The following PDE8B variants were observed in gnomAD, a reference collection of about 807,000 sequenced individuals.
The protein encoded by PDE8B is high affinity cAMP-specific and IBMX-insensitive 3',5'-cyclic phosphodiesterase 8B.
A neutral mutation model predicts 101.3 loss-of-function variants in PDE8B; 26 were observed. That is an observed-to-expected ratio of 0.26 (90% CI 0.19 to 0.36). The LOEUF (loss-of-function observed/expected upper bound fraction) is 0.36, where lower values mean the gene tolerates loss of function less well. PDE8B is among the 10% of genes least tolerant of loss of function. The pLI, the probability that PDE8B is intolerant of heterozygous loss-of-function variation, is 1.00. For missense variants in PDE8B, 810 were observed against 1,163.1 expected, an observed-to-expected ratio of 0.70 and a Z score of 4.42; for synonymous variants, 424 against 429.3, an observed-to-expected ratio of 0.99 and a Z score of 0.15.
the PDE8B span, chr5:77,147,449 A>G: frequency 6.5e-6 from 1 of 152,766 alleles, no homozygotes; most frequent in Non-Finnish European, 1.5e-5. Context: ...CAAATTAGTT[A>G]TACATGGGGA....
At chr5:77,346,013 G>A (rs1032424617) in intron 7 of PDE8B, among the ~76,000 whole-genome samples, 1 of 152,166 alleles carries the variant, frequency 6.6e-6, no homozygotes, top group African/African-American at 2.4e-5. Context: ...AATAAGGGTA[G>A]GCAAGAGACA....
At chr5:77,292,521 G>T (rs978233678) in intron 1 of PDE8B, among the ~76,000 whole-genome samples, 1 of 152,192 alleles carries the variant, frequency 6.6e-6, no homozygotes, top group Non-Finnish European at 1.5e-5. Flanking sequence ...AATGGCCCCA[G>T]ACCCTCATCA....
chr5:77,108,555 C>T, the PDE8B span, among the ~76,000 whole-genome samples: 4 of 152,052 alleles, frequency 2.6e-5, no homozygotes, highest in East Asian at 3.9e-4. Context: ...TGGTGGCGCA[C>T]GCCTCTAGTC....
At chr5:77,147,053 A>T in the PDE8B span, 1 of 438,434 alleles carries the variant, frequency 2.3e-6, no homozygotes, top group African/African-American at 2.1e-5. Context: ...ATATTGCCTC[A>T]TACTGAGCTA....
At chr5:77,310,622 G>A (rs1772385706) in intron 1 of PDE8B, among the ~76,000 whole-genome samples, 2 of 152,236 alleles carry the variant, frequency 1.3e-5, no homozygotes, top group African/African-American at 4.8e-5. Context: ...GGCCTGCTGA[G>A]TGGACCCATG....
At chr5:77,244,955 C>T (rs530537475) in intron 1 of PDE8B, among the ~76,000 whole-genome samples, 11 of 152,274 alleles carry the variant, frequency 7.2e-5, no homozygotes, top group African/African-American at 2.6e-4. Context: ...AAGACCCTAG[C>T]TGAAAGTTTA....
At chr5:77,178,609 C>A in the PDE8B span, among the ~76,000 whole-genome samples, 2 of 152,194 alleles carry the variant, frequency 1.3e-5, no homozygotes, top group Admixed American at 6.5e-5. Context: ...TTTGCTATTG[C>A]TACATAACAA....
At chr5:77,360,100 AAAAAG>A (rs1386879254) in intron 10 of PDE8B, among the ~76,000 whole-genome samples, 1 of 152,134 alleles carries the variant, frequency 6.6e-6, no homozygotes, top group African/African-American at 2.4e-5. Context: ...CAAAAAAAAA[AAAAAG>A]AAAGAAAAGT....
At chr5:77,349,691 G>A in intron 8 of PDE8B, 132 bp downstream of exon 8, 1 of 1,043,470 alleles carries the variant, frequency 9.6e-7, no homozygotes, top group Non-Finnish European at 1.5e-6. Flanking sequence ...TATTATGTTT[G>A]CAAAATGAGT....
chr5:77,401,111 T>C (rs1792173170), intron 11 of PDE8B, among the ~76,000 whole-genome samples: 1 of 152,214 alleles, frequency 6.6e-6, no homozygotes, highest in Admixed American at 6.5e-5. Flanking sequence ...AAAGCCCATC[T>C]CATTGTTAAT....
the PDE8B span, among the ~76,000 whole-genome samples, chr5:77,159,990 T>C: frequency 6.6e-6 from 1 of 152,190 alleles, no homozygotes; most frequent in Non-Finnish European, 1.5e-5. Context: ...ATATTTTGCT[T>C]TCTGGAACAC....
intron 10 of PDE8B, among the ~76,000 whole-genome samples, chr5:77,371,677 G>T (rs1454331368): frequency 6.6e-6 from 1 of 152,210 alleles, no homozygotes; most frequent in Admixed American, 6.5e-5. Flanking sequence ...CAATTGGAGA[G>T]AATTGATATT....
chr5:77,409,834 C>CA (rs747591844), intron 14 of PDE8B, among the ~76,000 whole-genome samples: 11 of 152,282 alleles, frequency 7.2e-5, no homozygotes, highest in Non-Finnish European at 1.5e-4. Flanking sequence ...TCCAGCCCTG[C>CA]AGCCAAATGC....
intron 10 of PDE8B, among the ~76,000 whole-genome samples, chr5:77,385,669 GT>G (rs1373240164): frequency 6.6e-6 from 1 of 151,928 alleles, no homozygotes; most frequent in African/African-American, 2.4e-5. Flanking sequence ...CTGGTACATT[GT>G]GTCTTTGTTC....
chr5:77,227,346 C>T (rs1752609710), intron 1 of PDE8B, among the ~76,000 whole-genome samples: 1 of 152,062 alleles, frequency 6.6e-6, no homozygotes, highest in African/African-American at 2.4e-5. Context: ...TAGCAATGCT[C>T]AAGGAGTTTT....
At chr5:77,391,371 A>G (rs904914914) in intron 10 of PDE8B, among the ~76,000 whole-genome samples, 3 of 152,196 alleles carry the variant, frequency 2.0e-5, no homozygotes, top group African/African-American at 7.2e-5. Context: ...TCCTGACGGC[A>G]GATGCTGCTG....
chr5:77,266,063 G>A (rs1047870516), intron 1 of PDE8B, among the ~76,000 whole-genome samples: 3 of 152,254 alleles, frequency 2.0e-5, no homozygotes, highest in African/African-American at 7.2e-5. Context: ...GTGCCTTGGG[G>A]CACCCAGCTG....
intron 2 of PDE8B, among the ~76,000 whole-genome samples, chr5:77,324,223 G>A (rs1480271604): frequency 6.6e-6 from 1 of 152,118 alleles, no homozygotes; most frequent in Non-Finnish European, 1.5e-5. Context: ...TCTATTGCTG[G>A]GAGGTGGTTT....
intron 1 of PDE8B, among the ~76,000 whole-genome samples, chr5:77,296,024 A>G (rs1254624322): frequency 6.6e-6 from 1 of 152,176 alleles, no homozygotes; most frequent in Admixed American, 6.5e-5. Flanking sequence ...GCCCAAGTCA[A>G]ATGACTACCC....
Sources: gnomAD v4.1 joint callset for allele counts (sites outside exome capture counted in the v4.1 genomes callset) on GRCh38, gnomAD v4.1.1 for gene constraint, MANE v1.5 for transcripts, NCBI Gene and HGNC (gene_info 2026-07-23, HGNC 2026-07-21) for gene names.